The following MRPS6 variants were observed in gnomAD, a reference collection of about 807,000 sequenced individuals.
MRPS6 encodes mitochondrial ribosomal protein S6.
Under a neutral mutation model 13.1 loss-of-function variants are expected in MRPS6, and 6 were observed. That is an observed-to-expected ratio of 0.46 (90% CI 0.25 to 0.91). MRPS6 has a LOEUF of 0.91. MRPS6 is among the 40% of genes least tolerant of loss of function. MRPS6 has a pLI of 0.18. For missense variants in MRPS6, 164 were observed against 155.6 expected (o/e 1.05, Z -0.29); for synonymous variants, 61 against 56.5 (o/e 1.08, Z -0.36).
intron 1 of MRPS6, among the ~76,000 whole-genome samples, chr21:34,091,262 GC>G (rs34874436): frequency 1 from 152,253 of 152,258 alleles, 76,124 homozygotes; most frequent in Middle Eastern, 1. Flanking sequence ...CTCTTTGCAG[GC>G]CCCGCCCTGT....
At chr21:34,086,209 G>GGTTTT (rs528305689) in intron 1 of MRPS6, among the ~76,000 whole-genome samples, 1,823 of 152,196 alleles carry the variant, frequency 0.012, 37 homozygotes, top group South Asian at 0.081. Context: ...ATTAGATTCA[G>GGTTTT]GTTTTGTTTT....
intron 1 of MRPS6, among the ~76,000 whole-genome samples, chr21:34,121,566 G>C (rs920341050): frequency 2.0e-5 from 3 of 151,786 alleles, no homozygotes; most frequent in African/African-American, 7.3e-5. Flanking sequence ...TTTCATTGAT[G>C]CATTTGGTAG....
At chr21:34,122,556 A>G (rs531225893) in intron 1 of MRPS6, 65 of 152,140 alleles carry the variant, frequency 4.3e-4, no homozygotes, top group African/African-American at 1.5e-3. Context: ...TTTTTACTTT[A>G]TAAGCTCTTA....
chr21:34,084,993 C>T (rs568861449), intron 1 of MRPS6, among the ~76,000 whole-genome samples: 1 of 152,260 alleles, frequency 6.6e-6, no homozygotes, highest in Non-Finnish European at 1.5e-5. Context: ...TAAGGGCCTT[C>T]CTCCTAACCA....
chr21:34,075,162 C>T (rs1989297033), intron 1 of MRPS6, among the ~76,000 whole-genome samples: 2 of 152,212 alleles, frequency 1.3e-5, no homozygotes, highest in Admixed American at 1.3e-4. Context: ...CTCCCTTCAA[C>T]TTACGTGTTT....
intron 1 of MRPS6, chr21:34,124,114 T>C (rs1174901260): frequency 1.3e-5 from 2 of 152,174 alleles, no homozygotes; most frequent in Admixed American, 1.3e-4. Flanking sequence ...ATGAAATGTG[T>C]ATTTCTCATC....
In MRPS6 at chr21:34,102,486, T is replaced by TTA. The variant is rs970889368; in HGVS notation, c.46-22855_46-22854insTA. 4 of 1,000,038 alleles carry TTA rather than the reference T, an allele frequency of 4.0e-6. No homozygotes were observed. The African/African-American group carries it at 7.0e-5, about 17-fold the overall frequency. The allele number at this position is 1,000,038 out of a possible 1,614,324, so 61.9% of individuals were successfully genotyped here. On this transcript the variant is annotated intron_variant, in intron 1 of 2. Transcript: ENST00000399312. ...CAACAACCCTAACCATTGGCATATA[T>TTA]AGTCTTTCACTCAGAAATAAACAAA...
At chr21:34,114,397 A>G (rs561742376) in intron 1 of MRPS6, among the ~76,000 whole-genome samples, 9 of 152,292 alleles carry the variant, frequency 5.9e-5, no homozygotes, top group African/African-American at 1.4e-4. Context: ...ACAAACTGCA[A>G]TTCAGCCAGA....
chr21:34,103,173 T>G, intron 1 of MRPS6: 1 of 1,000,110 alleles, frequency 1.0e-6, no homozygotes, highest in Non-Finnish European at 1.2e-6. Context: ...TTCCATAATA[T>G]AACCAGCTTT....
chr21:34,088,586 C>G (rs1042141008), intron 1 of MRPS6, among the ~76,000 whole-genome samples: 3 of 152,174 alleles, frequency 2.0e-5, no homozygotes, highest in Non-Finnish European at 4.4e-5. Flanking sequence ...TTATCAATAT[C>G]GTTAATGTTT....
intron 1 of MRPS6, among the ~76,000 whole-genome samples, chr21:34,092,313 A>G (rs1978737787): frequency 6.6e-6 from 1 of 152,086 alleles, no homozygotes; most frequent in African/African-American, 2.4e-5. Flanking sequence ...TTCCTTTTCC[A>G]GTCTTTACCA....
chr21:34,076,862 A>T (rs1344823591), intron 1 of MRPS6, among the ~76,000 whole-genome samples: 1 of 152,262 alleles, frequency 6.6e-6, no homozygotes, highest in Non-Finnish European at 1.5e-5. Context: ...CCCATATCAG[A>T]TAGCATCAAG....
intron 1 of MRPS6, chr21:34,105,415 G>T: frequency 2.0e-6 from 2 of 998,494 alleles, no homozygotes; most frequent in South Asian, 4.7e-5. Flanking sequence ...CTGTGAAATT[G>T]CTTCATTCAT....
At chr21:34,073,775 C>T (rs372114644) in intron 1 of MRPS6, 30 bp downstream of exon 1, 15 of 1,457,336 alleles carry the variant, frequency 1.0e-5, no homozygotes, top group South Asian at 5.0e-5. Context: ...AGCCGGTCTT[C>T]CCGCGCGGGC....
chr21:34,073,832 G>A lies in MRPS6; in HGVS notation c.45+87G>A. ...CCGTCCCCCGCGCGCCCTGGCCGCG[G>A]GACCCCGGGCCTTCCTGCACTCCTC... On this transcript the variant is annotated intron_variant, in intron 1 of 2. Coordinates refer to ENST00000399312, the MANE Select transcript of MRPS6 (RefSeq NM_032476.4). The A allele has an allele frequency of 3.8e-6, 4 of 1,063,230 alleles. No homozygotes were observed. The South Asian group carries it at 6.9e-5, about 18-fold the overall frequency. 65.9% of individuals were successfully genotyped at this position (1,063,230 alleles called of 1,614,324 possible).
intron 1 of MRPS6, chr21:34,095,395 T>C (rs776093015): frequency 1.2e-6 from 2 of 1,614,116 alleles, no homozygotes; most frequent in South Asian, 1.1e-5. Context: ...GAGCACTTCA[T>C]TGGGCTGGCA....
At position 34,096,652 on chromosome 21, in the gene MRPS6, T is replaced by G; in HGVS notation, c.45+22907T>G. ...GGCTTTGTTCTTGGAGCAGTCCGTT[T>G]GATACTGGCCTTTGCCTACCGTGCC... On this transcript the variant is annotated intron_variant, in intron 1 of 2. Transcript: ENST00000399312. This position sits in a 1 kb window ranked among gnomAD's most constrained non-coding sequence, Gnocchi z 5.9. 1.9e-6 allele frequency: 3 copies of G among 1,614,204 alleles called. No homozygotes were observed. Among genetic ancestry groups the G allele is most frequent in the Non-Finnish European group, 2.5e-6 (3 of 1,180,014 alleles).
chr21:34,120,389 A>G (rs1980077148), intron 1 of MRPS6, among the ~76,000 whole-genome samples: 1 of 152,210 alleles, frequency 6.6e-6, no homozygotes, highest in African/African-American at 2.4e-5. Context: ...TTGTTTACAA[A>G]ATACAGCTTG....
At position 34,096,437 on chromosome 21, in the gene MRPS6, A is replaced by G. The variant is rs933707054; in HGVS notation, c.45+22692A>G. 4 of 1,614,060 alleles carry G rather than the reference A, an allele frequency of 2.5e-6. No individual in the cohort carries two copies. Among genetic ancestry groups the G allele is most frequent in the Non-Finnish European group, 3.4e-6 (4 of 1,180,028 alleles). ...GGGAGTTAATGATTGTGGGGAGGAT[A>G]TTTGTGGCATTTATGGTGGTGATCA... On this transcript the variant is annotated intron_variant, in intron 1 of 2. Transcript: ENST00000399312. This position sits in a 1 kb window ranked among gnomAD's most constrained non-coding sequence, Gnocchi z 5.9.
Sources: allele counts gnomAD v4.1 joint callset (sites outside exome capture counted in the v4.1 genomes callset), GRCh38; gene constraint gnomAD v4.1.1; non-coding constraint Gnocchi (gnomAD v3.1); transcripts MANE v1.5; gene names NCBI Gene and HGNC (gene_info 2026-07-23, HGNC 2026-07-21).